Variants in IL17RE observed in about 807,000 individuals in gnomAD.
IL17RE encodes the protein interleukin 17 receptor E.
IL17RE carries 47 observed loss-of-function variants against 70.7 expected under a neutral mutation model. The ratio of observed to expected loss-of-function variants is 0.67; its 90% CI spans 0.53 to 0.85. IL17RE has a LOEUF of 0.85. Among genes scored for constraint, IL17RE ranks in the 40% least tolerant of loss-of-function variants. IL17RE has a pLI of 0.00. For synonymous variants in IL17RE, 372 were observed against 381.2 expected, an observed-to-expected ratio of 0.98 and a Z score of 0.28; for missense variants, 850 against 893.9, an observed-to-expected ratio of 0.95 and a Z score of 0.63.
Position 9,911,299 on chromosome 3 carries a change from T to C in IL17RE, c.1071T>C (p.Thr357=). The stretch of plus-strand genomic sequence containing the variant: ...GCCATGTTGAATGCCCCCACCAGAC[T>C]GGTGAGTCAATAAGTGACCTCTGCT... ...NSSHVECPHQ[T]GSLTSWNVSM... The change falls in exon 11 of 16, where the codon ACT becomes ACC. Residue 357 remains threonine, a splice_region_variant and synonymous_variant. Coordinates refer to ENST00000383814, the MANE Select transcript of IL17RE (RefSeq NM_153480.2). The C allele has an allele frequency of 6.2e-7, 1 of 1,614,190 alleles. No individual in the cohort carries two copies. Among genetic ancestry groups the C allele is most frequent in the Non-Finnish European group, 8.5e-7 (1 of 1,180,028 alleles).
At chr3:9,902,245 G>C (rs938031105), upstream of IL17RE, among the ~76,000 whole-genome samples, 21 of 152,170 alleles carry the variant, frequency 1.4e-4, no homozygotes, top group African/African-American at 4.6e-4. Flanking sequence ...GGGGCTTCCT[G>C]AGCAGGGCGT....
upstream of IL17RE, chr3:9,902,679 C>T (rs777379968): frequency 1.4e-5 from 21 of 1,536,034 alleles, no homozygotes; most frequent in Non-Finnish European, 1.7e-5. Context: ...CAGCAGGAGC[C>T]CCTTGTCTTT....
At position 9,915,550 on chromosome 3, in the gene IL17RE, G is replaced by C; in HGVS notation, c.1747G>C (p.Ala583Pro). ...RAAPLLALLH[A>P]APRPLLLLAY... ...CGCGCCCCTGCTCGCCCTGCTCCAC[G>C]CTGCCCCGCGCCCGCTGCTGCTGCT... Residue 583 changes from alanine to proline, a missense_variant, in exon 16 of 16, where the codon GCT becomes CCT. Ala to Pro is a conservative substitution (Grantham distance 27). Transcript: ENST00000383814. The surrounding 1 kb of genome is among the most constrained non-coding windows in gnomAD (Gnocchi z 4.9). 1 of 1,399,972 alleles carries C rather than the reference G, an allele frequency of 7.1e-7. No individual in the cohort carries two copies. The highest frequency in any genetic ancestry group is 9.3e-7 in the Non-Finnish European group (1 of 1,079,520). The allele number at this position is 1,399,972 out of a possible 1,614,324, so 86.7% of individuals were successfully genotyped here.
rs1171919850 is a variant in IL17RE at position 9,915,022 on chromosome 3, T to A, written c.1448-229T>A. Among the ~76,000 whole-genome samples, 1 of 152,138 alleles carries A rather than the reference T, an allele frequency of 6.6e-6. No homozygotes were observed. Among genetic ancestry groups the A allele is most frequent in the African/African-American group, 2.4e-5 (1 of 41,426 alleles). The stretch of plus-strand genomic sequence containing the variant: ...GGCAGAAATCCAGCCTGCGCTGTAC[T>A]CGCCCAGCCTGGAGCCCTGACCCTC... On this transcript the variant is annotated intron_variant, in intron 15 of 15. Transcript: ENST00000383814. This position sits in a 1 kb window ranked among gnomAD's most constrained non-coding sequence, Gnocchi z 4.9.
chr3:9,912,258 C>T (rs1298371035), intron 12 of IL17RE, among the ~76,000 whole-genome samples: 2 of 152,120 alleles, frequency 1.3e-5, no homozygotes, highest in Non-Finnish European at 2.9e-5. Context: ...ACCCCTTCAA[C>T]CTCTGTGTAA....
At chr3:9,903,915 T>C (rs975529680) in intron 2 of IL17RE, 117 bp from the exon 3 acceptor site, 2 of 1,289,148 alleles carry the variant, frequency 1.6e-6, no homozygotes, top group Non-Finnish European at 2.2e-6. Context: ...ACAGGTCCTG[T>C]AACCCCCAAA....
At position 9,911,022 on chromosome 3, in the gene IL17RE, A is replaced by G. The variant is rs279572; in HGVS notation, c.960A>G (p.Thr320=). ...TTTGCAAAGACCTCCCGAATGCCACAGCTCGAGAGTCAGATGGGGTGAGGA... is the reference window on the plus strand; with the variant it reads ...TTTGCAAAGACCTCCCGAATGCCACGGCTCGAGAGTCAGATGGGGTGAGGA... ...HTLCKDLPNA[T]ARESDGWYVL... Residue 320 remains threonine, a synonymous_variant, in exon 9 of 16, where the codon ACA becomes ACG. Transcript: ENST00000383814. The G allele has an allele frequency of 0.52, 840,465 of 1,613,796 alleles. 226,236 individuals are homozygous for G. The highest frequency in any genetic ancestry group is 0.62 in the African/African-American group (46,736 of 74,922).
Position 9,904,067 on chromosome 3 carries a change from G to C in IL17RE, c.184G>C (p.Ala62Pro), listed in dbSNP as rs2082696837. The C allele has an allele frequency of 6.2e-7, 1 of 1,613,992 alleles. No homozygotes were observed. Among genetic ancestry groups the C allele is most frequent in the Non-Finnish European group, 8.5e-7 (1 of 1,180,012 alleles). ...CTATATCCCTTGCCGCACCTGGTGGGCCCTCTTCTCCACAAAGCCTTGGTG... is the reference window on the plus strand; with the variant it reads ...CTATATCCCTTGCCGCACCTGGTGGCCCCTCTTCTCCACAAAGCCTTGGTG... Reference protein sequence around the residue: ...SAYIPCRTWWALFSTKPWCVR... With the variant: ...SAYIPCRTWWPLFSTKPWCVR... Residue 62 changes from alanine to proline, a missense_variant, in exon 3 of 16, where the codon GCC (alanine) becomes CCC (proline). Ala to Pro is a conservative substitution (Grantham distance 27). Transcript: ENST00000383814.
intron 8 of IL17RE, chr3:9,909,645 A>G (rs2082844966): frequency 4.4e-6 from 1 of 226,094 alleles, no homozygotes; most frequent in Non-Finnish European, 8.6e-6. Flanking sequence ...AAATCTCAAT[A>G]CCTGCTCTGC....
Position 9,915,242 on chromosome 3 carries a change from C to G in IL17RE, c.1448-9C>G. ...CGCCCAGCCTTCATCTGTTGCTTCC[C>G]GCCACCAGGCCCGGGCCCAGCGCGG... is the stretch of plus-strand genomic sequence containing the variant. On this transcript the variant is annotated splice_polypyrimidine_tract_variant and intron_variant, in intron 15 of 15. Coordinates refer to ENST00000383814, the MANE Select transcript of IL17RE (RefSeq NM_153480.2). The surrounding 1 kb of genome is among the most constrained non-coding windows in gnomAD (Gnocchi z 4.9). 2 of 1,379,546 alleles carry G rather than the reference C, an allele frequency of 1.4e-6. No homozygotes were observed. Among genetic ancestry groups the G allele is most frequent in the Non-Finnish European group, 1.9e-6 (2 of 1,072,372 alleles). 85.5% of individuals were successfully genotyped at this position (1,379,546 alleles called of 1,614,324 possible).
chr3:9,910,469 A>C (rs2082865135), intron 8 of IL17RE: 1 of 184,332 alleles, frequency 5.4e-6, no homozygotes, highest in Non-Finnish European at 1.1e-5. Flanking sequence ...GTGGGTCACA[A>C]GGTCAGGAGT....
chr3:9,902,487 T>A, upstream of IL17RE: 1 of 818,694 alleles, frequency 1.2e-6, no homozygotes, highest in South Asian at 1.5e-5. Flanking sequence ...TGCTGAGTAG[T>A]GCTTAAGAGC....
Position 9,908,318 on chromosome 3 carries a change from G to A in IL17RE, c.735+11G>A, listed in dbSNP as rs777467805. The A allele has an allele frequency of 1.9e-6, 3 of 1,612,828 alleles. No homozygotes were observed. The Admixed American group carries it at 5.0e-5, about 27-fold the overall frequency. The stretch of plus-strand genomic sequence containing the variant: ...TGTCTGTGCATAGAGGTGAGCAAAG[G>A]AAAAGGTGTGGGCTGTCCATGGCTC... On this transcript the variant is annotated intron_variant, in intron 7 of 15. Transcript: ENST00000383814.
In IL17RE at chr3:9,914,595, G is replaced by A. The variant is rs455863; in HGVS notation, c.1344G>A (p.Pro448=). The change falls in exon 14 of 16, where the codon CCG becomes CCA. Residue 448 remains proline, a synonymous_variant. Transcript: ENST00000383814. The part of the protein sequence containing the change: ...VQFAWKHLLC[P]DVSYRHLGLL... ...TTGCCTGGAAGCACCTCTTGTGTCC[G>A]GATGGTGAGTTCTTGGGGAGGGGGA... 0.51 allele frequency: 815,859 copies of A among 1,613,342 alleles called. 213,584 individuals are homozygous for A. The highest frequency in any genetic ancestry group is 0.54 in the Non-Finnish European group (637,310 of 1,179,518).
Position 9,915,733 on chromosome 3 carries a change from C to T in IL17RE, c.1930C>T (p.Gln644Ter). Residue 644 changes from glutamine (Q) to a stop codon, truncating the protein, a stop_gained, in exon 16 of 16, where the codon CAG becomes TAG. Coordinates refer to ENST00000383814, the MANE Select transcript of IL17RE (RefSeq NM_153480.2). LOFTEE classifies it low-confidence loss of function (END_TRUNC). This position sits in a 1 kb window ranked among gnomAD's most constrained non-coding sequence, Gnocchi z 4.9. Reference sequence around the variant, plus strand: ...CAGCTGGGGCCGCCTTGGGGCGCGGCAGCGCAGGCAGAGCCGCCTAGAGCT... The same window carrying T: ...CAGCTGGGGCCGCCTTGGGGCGCGGTAGCGCAGGCAGAGCCGCCTAGAGCT... Reference protein sequence around the residue: ...ATSWGRLGARQRRQSRLELCS... With the variant: ...ATSWGRLGAR 4.8e-6 allele frequency: 7 copies of T among 1,451,728 alleles called. No individual in the cohort carries two copies. Among genetic ancestry groups the T allele is most frequent in the Non-Finnish European group, 6.3e-6 (7 of 1,115,448 alleles). The allele number at this position is 1,451,728 out of a possible 1,614,324, so 89.9% of individuals were successfully genotyped here.
At chr3:9,903,480 C>A in intron 2 of IL17RE, 68 bp downstream of exon 2, 1 of 1,554,108 alleles carries the variant, frequency 6.4e-7, no homozygotes, top group Non-Finnish European at 8.9e-7. Flanking sequence ...CTAGCAAGCC[C>A]TCCATTCTAA....
At position 9,915,102 on chromosome 3, in the gene IL17RE, G is replaced by A. The variant is rs2082984087; in HGVS notation, c.1448-149G>A. 2 of 1,124,798 alleles carry A rather than the reference G, an allele frequency of 1.8e-6. No individual in the cohort carries two copies. Among genetic ancestry groups the A allele is most frequent in the Admixed American group, 3.7e-5 (1 of 27,056 alleles). 69.7% of individuals were successfully genotyped at this position (1,124,798 alleles called of 1,614,324 possible). A position where few individuals can be genotyped will look rare whatever the true frequency, so the allele number is the denominator to read the frequency against. ...GCCCATAAGCACCCTATAGGCTAGG[G>A]CTGTTTTCGGTACCAACCCCCAGAG... On this transcript the variant is annotated intron_variant, in intron 15 of 15. Coordinates refer to ENST00000383814, the MANE Select transcript of IL17RE (RefSeq NM_153480.2). This position sits in a 1 kb window ranked among gnomAD's most constrained non-coding sequence, Gnocchi z 4.9.
rs1230313681 is a variant in IL17RE at position 9,915,347 on chromosome 3, C to A, written c.1544C>A (p.Ala515Glu). ...VGALAELLRA[A>E]LGGGRDVIVD... is the part of the protein sequence containing the mutation. ...GCGCTGGCTGAACTGCTACGGGCAG[C>A]GCTGGGCGGCGGGCGCGACGTGATC... The change falls in exon 16 of 16, where the codon GCG becomes GAG. Residue 515 changes from alanine to glutamate, a missense_variant. By Grantham distance (107) the Ala-to-Glu change is moderately radical. Transcript: ENST00000383814. This position sits in a 1 kb window ranked among gnomAD's most constrained non-coding sequence, Gnocchi z 4.9. 1 of 1,371,326 alleles carries A rather than the reference C, an allele frequency of 7.3e-7. No homozygotes were observed. Among genetic ancestry groups the A allele is most frequent in the Non-Finnish European group, 9.3e-7 (1 of 1,071,738 alleles). The allele number at this position is 1,371,326 out of a possible 1,614,324, so 84.9% of individuals were successfully genotyped here.
At position 9,908,255 on chromosome 3, in the gene IL17RE, G is replaced by A; in HGVS notation, c.683G>A (p.Gly228Asp). 6.2e-7 allele frequency: 1 copy of A among 1,614,106 alleles called. No homozygotes were observed. The highest frequency in any genetic ancestry group is 8.5e-7 in the Non-Finnish European group (1 of 1,180,000). Residue 228 changes from glycine to aspartate, a missense_variant, in exon 7 of 16, where the codon GGC becomes GAC. Gly to Asp is a moderately conservative substitution (Grantham distance 94, BLOSUM62 -1). Coordinates refer to ENST00000383814, the MANE Select transcript of IL17RE (RefSeq NM_153480.2). The part of the protein sequence containing the change: ...PYDVQKIVSG[G>D]HTVELPYEFL... ...CATCCACAGAAAATTGTGTCTGGGG[G>A]CCACACTGTAGAGCTGCCTTATGAA...
Sources: allele counts gnomAD v4.1 joint callset (sites outside exome capture counted in the v4.1 genomes callset), GRCh38; gene constraint gnomAD v4.1.1; non-coding constraint Gnocchi (gnomAD v3.1); transcripts MANE v1.5; gene names NCBI Gene and HGNC (gene_info 2026-07-23, HGNC 2026-07-21).